IKBKG: variants seen among roughly 807,000 people sequenced by gnomAD.
IKBKG encodes the protein NF-kappa-B essential modulator.
In IKBKG, 2 loss-of-function variants were observed where a neutral mutation model predicts 13.7. That is an observed-to-expected ratio of 0.15 (90% CI 0.06 to 0.46). The LOEUF (loss-of-function observed/expected upper bound fraction) is 0.46. IKBKG is among the 20% of genes least tolerant of loss of function. The pLI is 0.98. For synonymous variants in IKBKG, 22 were observed against 64.4 expected (o/e 0.34, Z 3.15); for missense variants, 53 against 150.3 (o/e 0.35, Z 3.39).
chrX:154,551,012 CTG>C (rs1557234890), intron 1 of IKBKG, among the ~76,000 whole-genome samples: 1 of 110,656 alleles, frequency 9.0e-6, no homozygotes, highest in African/African-American at 3.3e-5. Context: ...CAGGGTTTCA[CTG>C]TGTTAGCCAG....
upstream of IKBKG, among the ~76,000 whole-genome samples, chrX:154,546,542 T>G (rs2070722399): frequency 1.8e-5 from 2 of 111,133 alleles, no homozygotes; most frequent in Admixed American, 1.9e-4. Flanking sequence ...TGGGAGATGG[T>G]GCAGATGCTG....
At chrX:154,546,200 C>G, upstream of IKBKG, 1 of 1,208,210 alleles carries the variant, frequency 8.3e-7, no homozygotes, top group South Asian at 1.8e-5. Flanking sequence ...GGCAGAAGAA[C>G]AGGAGAGCAT....
At chrX:154,553,157 C>T (rs868925319) in intron 2 of IKBKG, among the ~76,000 whole-genome samples, 4 of 112,460 alleles carry the variant, frequency 3.6e-5, no homozygotes, top group Non-Finnish European at 7.5e-5. Flanking sequence ...CCTAAGTGTC[C>T]ACCCCATCGT....
In IKBKG at chrX:154,541,674, G is replaced by A. The variant is rs73641103; in HGVS notation, c.-187+283G>A. Among the ~76,000 whole-genome samples the A allele has an allele frequency of 4.1e-3, 462 of 112,009 alleles. 1 individual carries two copies. The highest frequency in any genetic ancestry group is 0.014 in the African/African-American group (441 of 30,817). On this transcript the variant is annotated intron_variant, in intron 1 of 10. Transcript: ENST00000422680. The stretch of plus-strand genomic sequence containing the variant: ...GTTGGGAGCTTCTCATCTTCCCCAC[G>A]CCCTCCTCTTTCCTGAGGACCACAG...
chrX:154,546,159 G>A (rs781792803), upstream of IKBKG: 4 of 1,210,047 alleles, frequency 3.3e-6, no homozygotes, highest in East Asian at 1.2e-4. Flanking sequence ...CTGCCATGAC[G>A]CTGTCTGGTG....
At chrX:154,543,884 T>C (rs2070603362), upstream of IKBKG, among the ~76,000 whole-genome samples, 2 of 106,909 alleles carry the variant, frequency 1.9e-5, no homozygotes, top group Admixed American at 2.0e-4. Context: ...TTTTTTTTTT[T>C]TGAGATGGAG....
intron 1 of IKBKG, among the ~76,000 whole-genome samples, chrX:154,549,437 A>ATT (rs781992636): frequency 5.0e-4 from 49 of 97,155 alleles, no homozygotes; most frequent in African/African-American, 1.4e-3. Context: ...ACTCCCAGCT[A>ATT]TTTTTTTTTT....
At chrX:154,545,516 A>C (rs781999074), upstream of IKBKG, among the ~76,000 whole-genome samples, 10 of 111,780 alleles carry the variant, frequency 8.9e-5, no homozygotes, top group South Asian at 3.7e-3. Flanking sequence ...TAAGGGCTAC[A>C]TTCAGCGGCT....
At position 154,550,060 on chromosome X, in the gene IKBKG, T is replaced by C. The variant is rs1192608918; in HGVS notation, c.-15-1928T>C. Among the ~76,000 whole-genome samples, 4 of 111,319 alleles carry C rather than the reference T, an allele frequency of 3.6e-5. No homozygotes were observed. The Admixed American group carries it at 3.8e-4, about 11-fold the overall frequency. On this transcript the variant is annotated intron_variant, in intron 1 of 9. Coordinates refer to ENST00000594239, the MANE Select transcript of IKBKG (RefSeq NM_001099857.5). ...TAGGAGTTTTCCCATTATTTGGAGG[T>C]GAATTCAGACATCATCTTTAAACAT...
In IKBKG at chrX:154,547,699, A is replaced by G. The variant is rs1269661817; in HGVS notation, c.-62A>G. On this transcript the variant is annotated 5_prime_UTR_variant, in exon 1 of 10. Coordinates refer to ENST00000594239, the MANE Select transcript of IKBKG (RefSeq NM_001099857.5). ...GCGCCGGGGCCCTACCAGCGTTCAC[A>G]GTCCGCCGCTCCCACCCTTCTCACG... 2.9e-5 allele frequency: 22 copies of G among 754,035 alleles called. No individual in the cohort carries two copies. Among genetic ancestry groups the G allele is most frequent in the Non-Finnish European group, 3.1e-5 (20 of 639,262 alleles). The allele number at this position is 754,035 out of a possible 1,213,427, so 62.1% of individuals were successfully genotyped here.
upstream of IKBKG, among the ~76,000 whole-genome samples, chrX:154,543,869 ATT>A (rs1306269568): frequency 1.6e-4 from 13 of 83,593 alleles, no homozygotes; most frequent in Admixed American, 1.3e-4. Flanking sequence ...AATTTTTGTT[ATT>A]TTTTTTTTTT....
chrX:154,541,830 C>T (rs988434074), intron 1 of IKBKG, among the ~76,000 whole-genome samples: 5 of 112,200 alleles, frequency 4.5e-5, no homozygotes, highest in East Asian at 2.8e-4. Flanking sequence ...TTTTATAAAC[C>T]GAAATCGCTG....
At chrX:154,544,913 GAACT>G (rs1395733608), upstream of IKBKG, among the ~76,000 whole-genome samples, 18 of 112,696 alleles carry the variant, frequency 1.6e-4, no homozygotes, top group African/African-American at 5.8e-4. Flanking sequence ...CGATGTGGAA[GAACT>G]AACTAGTTTT....
In IKBKG at chrX:154,562,938, G is replaced by A. The variant is rs1473618564; in HGVS notation, c.897G>A (p.Pro299=). 21 of 461,899 alleles carry A rather than the reference G, an allele frequency of 4.5e-5. No homozygotes were observed. The highest frequency in any genetic ancestry group is 9.6e-5 in the South Asian group (3 of 31,377). 38.1% of individuals were successfully genotyped at this position (461,899 alleles called of 1,213,427 possible). A position where few individuals can be genotyped will look rare whatever the true frequency, so the allele number is the denominator to read the frequency against. The change falls in exon 7 of 10, where the codon CCG becomes CCA. Residue 299 remains proline, a synonymous_variant. Coordinates refer to ENST00000594239, the MANE Select transcript of IKBKG (RefSeq NM_001099857.5). ...EQHKIVMETV[P]VLKAQADIYK... is the part of the protein sequence containing the mutation. Reference sequence around the variant, plus strand: ...ACAAGATTGTGATGGAGACCGTTCCGGTGCTGAAGGCCCAGGTGAGGGCCC... The same window carrying A: ...ACAAGATTGTGATGGAGACCGTTCCAGTGCTGAAGGCCCAGGTGAGGGCCC...
At chrX:154,544,584 C>T (rs1410682377), upstream of IKBKG, among the ~76,000 whole-genome samples, 3 of 112,462 alleles carry the variant, frequency 2.7e-5, no homozygotes, top group African/African-American at 9.7e-5. Context: ...CGTGAGCCAC[C>T]GTGCCCGGCC....
At chrX:154,545,336 C>T (rs1047313364), upstream of IKBKG, among the ~76,000 whole-genome samples, 1 of 112,038 alleles carries the variant, frequency 8.9e-6, no homozygotes, top group African/African-American at 3.2e-5. Context: ...TTTGTATCGA[C>T]GGAACTTGAA....
At chrX:154,551,757 C>T (rs1017840091) in intron 1 of IKBKG, among the ~76,000 whole-genome samples, 1 of 111,635 alleles carries the variant, frequency 9.0e-6, no homozygotes, top group Non-Finnish European at 1.9e-5. Context: ...TGAAATTCTT[C>T]TATTTCCAGC....
At position 154,562,691 on chromosome X, in the gene IKBKG, A is replaced by C. The variant is rs1416554992; in HGVS notation, c.769-119A>C. On this transcript the variant is annotated intron_variant, in intron 6 of 9. Coordinates refer to ENST00000594239, the MANE Select transcript of IKBKG (RefSeq NM_001099857.5). ...AGATCCTGCAATGGGCCCTCAAATC[A>C]GGGGCTGGCATCACCCAGCCTGGTC... The C allele has an allele frequency of 5.4e-5, 9 of 166,494 alleles. No individual in the cohort carries two copies. In the East Asian group the frequency reaches 7.9e-4, roughly 15 times the overall value. 13.7% of individuals were successfully genotyped at this position (166,494 alleles called of 1,213,427 possible).
At chrX:154,547,444 A>G (rs2070775775), upstream of IKBKG, 1 of 754,176 alleles carries the variant, frequency 1.3e-6, no homozygotes. Context: ...CGCCCTGCAA[A>G]GTGGCCGGCG....
Sources: allele counts gnomAD v4.1 joint callset (sites outside exome capture counted in the v4.1 genomes callset), GRCh38; gene constraint gnomAD v4.1.1; transcripts MANE v1.5; gene names NCBI Gene and HGNC (gene_info 2026-07-23, HGNC 2026-07-21).